Variants in LMBR1 observed in about 807,000 individuals in gnomAD.
LMBR1 encodes the protein limb region 1 protein homolog.
LMBR1 carries 52 observed loss-of-function variants against 73.9 expected under a neutral mutation model. The ratio of observed to expected loss-of-function variants is 0.70; its 90% CI spans 0.56 to 0.89. The LOEUF (loss-of-function observed/expected upper bound fraction) is 0.89. LMBR1 is among the 40% of genes least tolerant of loss of function. The pLI is 0.00. For missense variants in LMBR1, 539 were observed against 579.8 expected (o/e 0.93, Z 0.72); for synonymous variants, 215 against 209.4 (o/e 1.03, Z -0.23).
In LMBR1 at chr7:156,670,329, A is replaced by G. The variant is rs1054722466; in HGVS notation, n.867-1042T>C. Among the ~76,000 whole-genome samples the G allele has an allele frequency of 6.6e-6, 1 of 152,190 alleles. No homozygotes were observed. Among genetic ancestry groups the G allele is most frequent in the African/African-American group, 2.4e-5 (1 of 41,458 alleles). On this transcript the variant is annotated intron_variant and non_coding_transcript_variant, in intron 4 of 4. Transcript: ENST00000430825. The surrounding 1 kb of genome is among the most constrained non-coding windows in gnomAD (Gnocchi z 4.3). ...AGGCCCTGCCTTCAGCTCACTGAGG[A>G]GTCAGGTCTGCAAGGGGGGCCCTGC...
At chr7:156,724,676 AAG>A (rs747032637) in intron 14 of LMBR1, among the ~76,000 whole-genome samples, 10 of 152,246 alleles carry the variant, frequency 6.6e-5, no homozygotes, top group Middle Eastern at 3.4e-3. Flanking sequence ...CATAGTAAAT[AAG>A]AGGAGTTGAA....
chr7:156,876,001 T>C (rs1800113929), intron 1 of LMBR1, among the ~76,000 whole-genome samples: 1 of 151,810 alleles, frequency 6.6e-6, no homozygotes, highest in Admixed American at 6.6e-5. Flanking sequence ...GTAAATGGCC[T>C]AAATGCTCCA....
chr7:156,784,811 C>A (rs10277594), intron 5 of LMBR1, among the ~76,000 whole-genome samples: 7,647 of 152,180 alleles, frequency 0.05, 251 homozygotes, highest in East Asian at 0.15. Context: ...AGGGCCTAGG[C>A]AGTGGAAAGT....
chr7:156,799,377 G>C (rs1830566990), intron 4 of LMBR1, among the ~76,000 whole-genome samples: 1 of 152,002 alleles, frequency 6.6e-6, no homozygotes, highest in Non-Finnish European at 1.5e-5. Context: ...TCATATTTTG[G>C]TAATTTTTGC....
intron 1 of LMBR1, among the ~76,000 whole-genome samples, chr7:156,837,200 G>A (rs1837796776): frequency 6.6e-6 from 1 of 151,618 alleles, no homozygotes; most frequent in African/African-American, 2.4e-5. Flanking sequence ...AGGGCATGGT[G>A]GCGGTGCACC....
At chr7:156,713,241 A>T (rs1812468413) in intron 15 of LMBR1, among the ~76,000 whole-genome samples, 2 of 152,132 alleles carry the variant, frequency 1.3e-5, no homozygotes, top group South Asian at 4.1e-4. Flanking sequence ...TGAGAGAGAG[A>T]GAGAGGGATA....
intron 1 of LMBR1, among the ~76,000 whole-genome samples, chr7:156,866,933 GTTC>G (rs1798555528): frequency 6.6e-6 from 1 of 152,152 alleles, no homozygotes; most frequent in African/African-American, 2.4e-5. Context: ...CCTTGTGATA[GTTC>G]TTATCTCAGA....
At chr7:156,851,568 T>C (rs1041076922) in intron 1 of LMBR1, among the ~76,000 whole-genome samples, 5 of 152,166 alleles carry the variant, frequency 3.3e-5, no homozygotes, top group East Asian at 1.9e-4. Context: ...TACTGGTTTC[T>C]TGAGGAGATG....
intron 1 of LMBR1, among the ~76,000 whole-genome samples, chr7:156,874,068 G>A (rs1055268012): frequency 2.6e-5 from 4 of 152,252 alleles, no homozygotes; most frequent in Admixed American, 1.3e-4. Flanking sequence ...GGTGCTCGTC[G>A]GGGAGGCTCA....
intron 4 of LMBR1, among the ~76,000 whole-genome samples, chr7:156,815,733 T>A (rs1432196177): frequency 6.6e-6 from 1 of 152,116 alleles, no homozygotes; most frequent in African/African-American, 2.4e-5. Context: ...AAATTACAAA[T>A]TACCACGTGT....
At chr7:156,708,040 A>T (rs555323694) in intron 15 of LMBR1, among the ~76,000 whole-genome samples, 3 of 152,070 alleles carry the variant, frequency 2.0e-5, no homozygotes, top group Admixed American at 6.5e-5. Context: ...TATATAAAAA[A>T]AAAAAAAAAC....
At chr7:156,770,792 T>C (rs1431915654) in intron 5 of LMBR1, among the ~76,000 whole-genome samples, 1 of 152,054 alleles carries the variant, frequency 6.6e-6, no homozygotes, top group Non-Finnish European at 1.5e-5. Flanking sequence ...CACACACCTG[T>C]AGTCCCAGCT....
chr7:156,889,143 T>C (rs893227860), intron 1 of LMBR1, among the ~76,000 whole-genome samples: 3 of 151,920 alleles, frequency 2.0e-5, no homozygotes, highest in African/African-American at 4.8e-5. Context: ...ATAAGCCAGA[T>C]AGAAAAGGAC....
At chr7:156,674,601 G>A (rs143510435), downstream of LMBR1, among the ~76,000 whole-genome samples, 5 of 152,262 alleles carry the variant, frequency 3.3e-5, no homozygotes, top group East Asian at 5.8e-4. Context: ...GCTTGAGCCC[G>A]GGAGGCCGAG....
At chr7:156,768,578 C>T (rs973354610) in intron 5 of LMBR1, among the ~76,000 whole-genome samples, 1 of 152,098 alleles carries the variant, frequency 6.6e-6, no homozygotes, top group African/African-American at 2.4e-5. Context: ...ATTAGGAGGG[C>T]TCAGGGGATT....
chr7:156,793,003 G>C (rs1237279764), intron 5 of LMBR1, among the ~76,000 whole-genome samples: 1 of 151,996 alleles, frequency 6.6e-6, no homozygotes, highest in Non-Finnish European at 1.5e-5. Context: ...CATTAGAAAT[G>C]TTTCTAGCCT....
intron 4 of LMBR1, among the ~76,000 whole-genome samples, chr7:156,797,326 A>G (rs568906641): frequency 6.6e-6 from 1 of 152,328 alleles, no homozygotes; most frequent in South Asian, 2.1e-4. Flanking sequence ...TTACAGGTAA[A>G]AAAATAAAAT....
chr7:156,868,965 G>GAA (rs1563578348), intron 1 of LMBR1, among the ~76,000 whole-genome samples: 1 of 152,016 alleles, frequency 6.6e-6, no homozygotes, highest in Non-Finnish European at 1.5e-5. Flanking sequence ...ACCCTGTCTC[G>GAA]AAAAACAATA....
At chr7:156,708,039 A>AG (rs1811332968) in intron 15 of LMBR1, among the ~76,000 whole-genome samples, 1 of 152,062 alleles carries the variant, frequency 6.6e-6, no homozygotes, top group African/African-American at 2.4e-5. Flanking sequence ...CTATATAAAA[A>AG]AAAAAAAAAA....
Sources: gnomAD v4.1 joint callset for allele counts (sites outside exome capture counted in the v4.1 genomes callset) on GRCh38, gnomAD v4.1.1 for gene constraint, Gnocchi (gnomAD v3.1) non-coding constraint, MANE v1.5 for transcripts, NCBI Gene and HGNC (gene_info 2026-07-23, HGNC 2026-07-21) for gene names.